The following GRIK2 variants were observed in gnomAD, a reference collection of about 807,000 sequenced individuals.
GRIK2 encodes glutamate ionotropic receptor kainate type subunit 2.
In GRIK2, 32 loss-of-function variants were observed where a neutral mutation model predicts 100.3. The observed-to-expected ratio is 0.32, with a 90% CI of 0.24 to 0.43. The LOEUF is 0.43. Ranked by LOEUF, GRIK2 falls within the 20% of genes least tolerant of loss-of-function variation. The probability of loss-of-function intolerance (pLI) is 1.00; values close to 1 mark genes in which losing one functional copy is unlikely to be tolerated. For synonymous variants in GRIK2, 417 were observed against 389.4 expected (o/e 1.07, Z -0.83); for missense variants, 843 against 1,114.9 (o/e 0.76, Z 3.47).
rs181615244 is a variant in GRIK2, at chr6:102,044,063, A to C, written c.2311+8497A>C. ...CAGCAGCATGAAAATGGGCTCATAC[A>C]GAGGAATACCATTGAAAGACCTTAA... On this transcript the variant is annotated intron_variant, in intron 15 of 16. Coordinates refer to ENST00000369134, the MANE Select transcript of GRIK2 (RefSeq NM_021956.5). Among the ~76,000 whole-genome samples the C allele has an allele frequency of 1.1e-4, 16 of 152,110 alleles. No homozygotes were observed. In the East Asian group the frequency reaches 2.9e-3, roughly 28 times the overall value.
intron 2 of GRIK2, among the ~76,000 whole-genome samples, chr6:101,566,451 T>A (rs576313405): frequency 6.6e-6 from 1 of 151,830 alleles, no homozygotes; most frequent in South Asian, 2.1e-4. Context: ...CTTTAAAAAA[T>A]TTTCTCCTTT....
chr6:101,494,915 G>C (rs1408805768), intron 2 of GRIK2, among the ~76,000 whole-genome samples: 2 of 146,720 alleles, frequency 1.4e-5, no homozygotes, highest in Admixed American at 1.4e-4. Flanking sequence ...GACAGAGTGA[G>C]ACTCTATCAC....
At chr6:101,784,499 G>C (rs1779303308) in intron 7 of GRIK2, among the ~76,000 whole-genome samples, 2 of 152,224 alleles carry the variant, frequency 1.3e-5, no homozygotes, top group Non-Finnish European at 2.9e-5. Flanking sequence ...GGACTGTGGG[G>C]AAGGCATGAT....
chr6:101,837,151 C>G (rs1314372731), intron 10 of GRIK2, among the ~76,000 whole-genome samples: 1 of 152,080 alleles, frequency 6.6e-6, no homozygotes, highest in Non-Finnish European at 1.5e-5. Context: ...CTTCCAAGTA[C>G]CATGTAAACA....
chr6:101,732,950 C>T (rs1034493606), intron 7 of GRIK2, among the ~76,000 whole-genome samples: 4 of 152,052 alleles, frequency 2.6e-5, no homozygotes, highest in African/African-American at 9.7e-5. Context: ...GATAATAATC[C>T]TATCATGAGA....
intron 4 of GRIK2, among the ~76,000 whole-genome samples, chr6:101,658,449 A>G (rs1482271826): frequency 6.6e-6 from 1 of 152,164 alleles, no homozygotes; most frequent in African/African-American, 2.4e-5. Context: ...TATCCAGTCT[A>G]TCATTGATGG....
At chr6:101,883,669 A>G (rs1415472044) in intron 11 of GRIK2, among the ~76,000 whole-genome samples, 1 of 152,120 alleles carries the variant, frequency 6.6e-6, no homozygotes, top group Non-Finnish European at 1.5e-5. Context: ...CGAAAGTGAC[A>G]TCAAAGCAAG....
At position 101,760,690 on chromosome 6, in the gene GRIK2, A is replaced by T. The variant is rs866885151; in HGVS notation, c.952-38958A>T. 8.4e-3 allele frequency among the ~76,000 whole-genome samples: 618 copies of T among 73,760 alleles called. 18 individuals carry two copies. Among genetic ancestry groups the T allele is most frequent in the African/African-American group, 0.036 (518 of 14,436 alleles). The allele number at this position is 73,760 out of a possible 152,430, so 48.4% of individuals were successfully genotyped here. On this transcript the variant is annotated intron_variant, in intron 7 of 16. Transcript: ENST00000369134. ...TATATAATTATATATTTAATTATAT[A>T]TAATTATATATAATTATATATTTAA...
chr6:102,005,847 T>C (rs1483213825), intron 14 of GRIK2, among the ~76,000 whole-genome samples: 3 of 152,072 alleles, frequency 2.0e-5, no homozygotes, highest in Admixed American at 6.6e-5. Context: ...GGCTGGAAGT[T>C]CAAGATCAAG....
chr6:101,425,835 A>T (rs1023989554), intron 2 of GRIK2, among the ~76,000 whole-genome samples: 2 of 152,134 alleles, frequency 1.3e-5, no homozygotes. Flanking sequence ...ATTCCTGAGG[A>T]GAGTTCTGTC....
At chr6:101,420,496 A>G (rs1170229098) in intron 2 of GRIK2, among the ~76,000 whole-genome samples, 1 of 152,186 alleles carries the variant, frequency 6.6e-6, no homozygotes, top group Non-Finnish European at 1.5e-5. Flanking sequence ...TGGCCTCTGG[A>G]CCAGCATCAT....
chr6:101,478,984 C>A (rs1772394029), intron 2 of GRIK2, among the ~76,000 whole-genome samples: 1 of 152,096 alleles, frequency 6.6e-6, no homozygotes, highest in African/African-American at 2.4e-5. Flanking sequence ...AGCTACAAAA[C>A]CAGCAGATCT....
chr6:101,915,830 G>A (rs1056230055), intron 12 of GRIK2, among the ~76,000 whole-genome samples: 1 of 151,288 alleles, frequency 6.6e-6, no homozygotes, highest in Non-Finnish European at 1.5e-5. Flanking sequence ...AAAATTAATG[G>A]TTTTGAAAAA....
rs879702350 is a variant in GRIK2 at position 101,822,731 on chromosome 6, T to TTA, written c.1317+4258_1317+4259dup. Among the ~76,000 whole-genome samples the TTA allele has an allele frequency of 4.7e-4, 71 of 152,036 alleles. 2 individuals carry two copies. In the South Asian group the frequency reaches 5.0e-3, roughly 11 times the overall value. ...TTAGCACCATTACTTATTTATAGTA[T>TTA]TATATATATATTTTTTCTTTTTTTT... On this transcript the variant is annotated intron_variant, in intron 10 of 16. Transcript: ENST00000369134.
At chr6:102,046,689 A>T (rs1347451890) in intron 15 of GRIK2, among the ~76,000 whole-genome samples, 5 of 152,160 alleles carry the variant, frequency 3.3e-5, no homozygotes, top group Non-Finnish European at 7.4e-5. Flanking sequence ...CAAATGGACT[A>T]TTAAAACTTT....
At chr6:101,956,746 G>A (rs976689650) in intron 14 of GRIK2, among the ~76,000 whole-genome samples, 1 of 149,374 alleles carries the variant, frequency 6.7e-6, no homozygotes, top group Non-Finnish European at 1.5e-5. Flanking sequence ...GTATTACATG[G>A]GGTGTATGTG....
intron 10 of GRIK2, among the ~76,000 whole-genome samples, chr6:101,847,744 T>C (rs1783893135): frequency 6.6e-6 from 1 of 152,114 alleles, no homozygotes; most frequent in African/African-American, 2.4e-5. Flanking sequence ...TGTCAGGTCC[T>C]TTCTGAGCAT....
At chr6:101,926,454 T>G (rs944213926) in intron 13 of GRIK2, among the ~76,000 whole-genome samples, 1 of 152,244 alleles carries the variant, frequency 6.6e-6, no homozygotes, top group African/African-American at 2.4e-5. Context: ...TTCATATCTC[T>G]TTGACAAAGA....
chr6:101,458,211 AT>A lies in GRIK2; in HGVS notation c.115+58822del, dbSNP rs1230250442. The stretch of plus-strand genomic sequence containing the variant: ...AAGGGATCTTTTTTTTTTAAAGGAC[AT>A]TTCCAGAAAAATCCTCACATTAAAA... On this transcript the variant is annotated intron_variant, in intron 2 of 16. Transcript: ENST00000369134. Among the ~76,000 whole-genome samples the A allele has an allele frequency of 1.1e-4, 16 of 151,802 alleles. No homozygotes were observed. In the East Asian group the frequency reaches 3.1e-3, roughly 29 times the overall value.
Sources: gnomAD v4.1 joint callset for allele counts (sites outside exome capture counted in the v4.1 genomes callset) on GRCh38, gnomAD v4.1.1 for gene constraint, MANE v1.5 for transcripts, NCBI Gene and HGNC (gene_info 2026-07-23, HGNC 2026-07-21) for gene names.